UCK2: variants seen among roughly 807,000 people sequenced by gnomAD.
UCK2 encodes the protein cytidine monophosphokinase 2.
Under a neutral mutation model 30.8 loss-of-function variants are expected in UCK2, and 6 were observed. The observed-to-expected ratio is 0.19, with a 90% CI of 0.11 to 0.38. The LOEUF (loss-of-function observed/expected upper bound fraction) is 0.38. Ranked by LOEUF, UCK2 falls within the 10% of genes least tolerant of loss-of-function variation. The pLI is 1.00. For missense variants in UCK2, 210 were observed against 339.8 expected (o/e 0.62, Z 3.00); for synonymous variants, 125 against 133.6 (o/e 0.94, Z 0.45).
In UCK2 at chr1:165,827,842, G is replaced by A. The variant is rs759233080; in HGVS notation, c.9G>A (p.Gly3=). The A allele has an allele frequency of 6.8e-7, 1 of 1,460,294 alleles. No individual in the cohort carries two copies. The highest frequency in any genetic ancestry group is 1.4e-5 in the South Asian group (1 of 70,122). The allele number at this position is 1,460,294 out of a possible 1,614,324, so 90.5% of individuals were successfully genotyped here. A position where few individuals can be genotyped will look rare whatever the true frequency, so the allele number is the denominator to read the frequency against. The change falls in exon 1 of 7, where the codon GGG becomes GGA. Residue 3 remains glycine (G), a synonymous_variant. Transcript: ENST00000367879. ...GAGGGGCGGCGCGAACCATGGCCGG[G>A]GACAGCGAGCAGACCCTGCAGAACC... is the stretch of plus-strand genomic sequence containing the variant. MA[G]DSEQTLQNHQ...
chr1:165,881,269 T>G (rs1268856644), intron 1 of UCK2, among the ~76,000 whole-genome samples: 1 of 151,744 alleles, frequency 6.6e-6, no homozygotes, highest in African/African-American at 2.4e-5. Context: ...ATTTTCTCTG[T>G]CATGTTTACC....
chr1:165,873,701 T>A (rs1020149638), intron 1 of UCK2, among the ~76,000 whole-genome samples: 27 of 152,290 alleles, frequency 1.8e-4, no homozygotes, highest in African/African-American at 6.0e-4. Flanking sequence ...CTTTCCTGAT[T>A]TCCCTGTTTT....
Position 165,909,019 on chromosome 1 carries a change from A to G in UCK2, c.*1196A>G, listed in dbSNP as rs551821750. On this transcript the variant is annotated 3_prime_UTR_variant, in exon 7 of 7. Coordinates refer to ENST00000367879, the MANE Select transcript of UCK2 (RefSeq NM_012474.5). Reference sequence around the variant, plus strand: ...TTATTTGCAATACCACCTAGTGGATATGGCAACTGCAGAGCATAAAAGGGG... The same window carrying G: ...TTATTTGCAATACCACCTAGTGGATGTGGCAACTGCAGAGCATAAAAGGGG... 9.8e-5 allele frequency: 15 copies of G among 152,350 alleles called. No individual in the cohort carries two copies. In the East Asian group the frequency reaches 2.5e-3, roughly 25 times the overall value. The allele number at this position is 152,350 out of a possible 1,614,324, so 9.4% of individuals were successfully genotyped here.
intron 5 of UCK2, among the ~76,000 whole-genome samples, chr1:165,905,149 C>T (rs1647608122): frequency 6.6e-6 from 1 of 152,204 alleles, no homozygotes; most frequent in South Asian, 2.1e-4. Flanking sequence ...AGACCATGTT[C>T]TCTGCATAGG....
intron 3 of UCK2, 117 bp from the exon 4 acceptor site, chr1:165,896,072 TG>T (rs1647232600): frequency 7.5e-7 from 1 of 1,329,962 alleles, no homozygotes; most frequent in Non-Finnish European, 1.0e-6. Context: ...AGCCCCCGCT[TG>T]AAGTCTGTGG....
chr1:165,842,834 C>T (rs1205999648), intron 1 of UCK2, among the ~76,000 whole-genome samples: 1 of 152,192 alleles, frequency 6.6e-6, no homozygotes, highest in East Asian at 1.9e-4. Context: ...GGCTTAGTCC[C>T]TCCAGCCTTG....
At chr1:165,831,371 A>G (rs1260589116) in intron 1 of UCK2, among the ~76,000 whole-genome samples, 2 of 152,170 alleles carry the variant, frequency 1.3e-5, no homozygotes, top group Admixed American at 1.3e-4. Context: ...GCAACGTAGC[A>G]AGACCCCATC....
intron 1 of UCK2, among the ~76,000 whole-genome samples, chr1:165,832,416 T>G (rs139206405): frequency 6.6e-6 from 1 of 152,348 alleles, no homozygotes; most frequent in East Asian, 1.9e-4. Context: ...AGAAGGTCTC[T>G]GTCCTTAGCA....
At chr1:165,860,696 C>T (rs572246103) in intron 1 of UCK2, among the ~76,000 whole-genome samples, 10 of 152,248 alleles carry the variant, frequency 6.6e-5, no homozygotes, top group South Asian at 2.1e-4. Context: ...GTGATTCATA[C>T]GCCTCAGCCT....
chr1:165,873,652 C>G (rs1366218839), intron 1 of UCK2, among the ~76,000 whole-genome samples: 1 of 152,154 alleles, frequency 6.6e-6, no homozygotes, highest in Non-Finnish European at 1.5e-5. Context: ...TCAACCCTTT[C>G]TTTTGAGTGT....
intron 1 of UCK2, among the ~76,000 whole-genome samples, chr1:165,846,711 G>A (rs1248844396): frequency 6.6e-6 from 1 of 152,180 alleles, no homozygotes; most frequent in East Asian, 1.9e-4. Context: ...TTTGATATAG[G>A]TGTATTCTTT....
chr1:165,841,303 C>A (rs1436155226), intron 1 of UCK2, among the ~76,000 whole-genome samples: 1 of 151,792 alleles, frequency 6.6e-6, no homozygotes, highest in Non-Finnish European at 1.5e-5. Context: ...TGTGCCTAAG[C>A]CTCCCGAGTA....
chr1:165,866,015 G>C (rs914560737), intron 1 of UCK2, among the ~76,000 whole-genome samples: 2 of 152,144 alleles, frequency 1.3e-5, no homozygotes, highest in African/African-American at 4.8e-5. Context: ...ACTGAGTGGT[G>C]GGCTAGGTAG....
intron 1 of UCK2, among the ~76,000 whole-genome samples, chr1:165,862,441 A>G (rs1197329284): frequency 2.6e-5 from 4 of 151,704 alleles, no homozygotes; most frequent in Admixed American, 2.6e-4. Flanking sequence ...TGGTGTAAAA[A>G]CCCCATCTGC....
At chr1:165,906,217 T>G (rs556368727) in intron 6 of UCK2, among the ~76,000 whole-genome samples, 2 of 152,282 alleles carry the variant, frequency 1.3e-5, no homozygotes, top group Admixed American at 1.3e-4. Flanking sequence ...GGGCTGTAGA[T>G]TACCTTTTAC....
rs568923308 is a variant in UCK2 at position 165,910,024 on chromosome 1, G to A, written c.*2201G>A. ...CATCTACCTGTGGTGTTGGGACCAA[G>A]CCTCCAATATCTCTGAATAGCCCAC... On this transcript the variant is annotated 3_prime_UTR_variant, in exon 7 of 7. Coordinates refer to ENST00000367879, the MANE Select transcript of UCK2 (RefSeq NM_012474.5). The A allele has an allele frequency of 4.6e-5, 7 of 152,394 alleles. No homozygotes were observed. The East Asian group carries it at 1.4e-3, about 29-fold the overall frequency. The allele number at this position is 152,394 out of a possible 1,614,324, so 9.4% of individuals were successfully genotyped here.
intron 3 of UCK2, 110 bp downstream of exon 3, chr1:165,891,432 C>A: frequency 2.1e-6 from 2 of 956,420 alleles, no homozygotes; most frequent in Non-Finnish European, 3.3e-6. Flanking sequence ...TCTGTCCTAC[C>A]CCTGCCTAAT....
At chr1:165,839,877 T>C (rs184899123) in intron 1 of UCK2, among the ~76,000 whole-genome samples, 26 of 152,352 alleles carry the variant, frequency 1.7e-4, no homozygotes, top group Non-Finnish European at 3.7e-4. Context: ...CCGTGATTCA[T>C]GTTCTGTGCA....
chr1:165,852,949 A>G (rs1654635090), intron 1 of UCK2, among the ~76,000 whole-genome samples: 1 of 152,180 alleles, frequency 6.6e-6, no homozygotes, highest in Admixed American at 6.5e-5. Context: ...CTTAAAGGTT[A>G]TTGTTCCCAA....
Sources: gnomAD v4.1 joint callset for allele counts (sites outside exome capture counted in the v4.1 genomes callset) on GRCh38, gnomAD v4.1.1 for gene constraint, MANE v1.5 for transcripts, NCBI Gene and HGNC (gene_info 2026-07-23, HGNC 2026-07-21) for gene names.